TMEM132D: variants seen among roughly 807,000 people sequenced by gnomAD.
TMEM132D encodes the protein transmembrane protein 132D.
Under a neutral mutation model 62.3 loss-of-function variants are expected in TMEM132D, and 21 were observed. The ratio of observed to expected loss-of-function variants is 0.34; its 90% CI spans 0.24 to 0.49. The LOEUF (loss-of-function observed/expected upper bound fraction) is 0.49, where lower values mean the gene tolerates loss of function less well. Among genes scored for constraint, TMEM132D ranks in the 20% least tolerant of loss-of-function variants. TMEM132D has a pLI of 0.99. For missense variants in TMEM132D, 1,346 were observed against 1,402.8 expected (o/e 0.96, Z 0.65); for synonymous variants, 621 against 575.6 (o/e 1.08, Z -1.13).
At chr12:129,528,510 G>GTAGAAAT (rs1182090909) in intron 3 of TMEM132D, among the ~76,000 whole-genome samples, 1 of 151,232 alleles carries the variant, frequency 6.6e-6, no homozygotes, top group Non-Finnish European at 1.5e-5. Context: ...TTTTCTCCCA[G>GTAGAAAT]CTTCCCAGTT....
intron 3 of TMEM132D, among the ~76,000 whole-genome samples, chr12:129,401,387 T>A (rs994584450): frequency 1.3e-5 from 2 of 152,012 alleles, no homozygotes; most frequent in African/African-American, 4.8e-5. Context: ...GACAATATAG[T>A]GAGACTTCAT....
At chr12:129,406,964 T>C (rs1871809609) in intron 3 of TMEM132D, among the ~76,000 whole-genome samples, 1 of 152,190 alleles carries the variant, frequency 6.6e-6, no homozygotes, top group Non-Finnish European at 1.5e-5. Flanking sequence ...GACAGATTTA[T>C]TTTCCTTTGA....
At chr12:129,075,559 CACTGCAGG>C (rs1213825306) in intron 8 of TMEM132D, among the ~76,000 whole-genome samples, 1 of 151,254 alleles carries the variant, frequency 6.6e-6, no homozygotes, top group African/African-American at 2.4e-5. Flanking sequence ...GATGAGGTCC[CACTGCAGG>C]GCTGCAGGCT....
intron 1 of TMEM132D, among the ~76,000 whole-genome samples, chr12:129,843,193 T>C (rs1017525260): frequency 3.3e-5 from 5 of 152,122 alleles, no homozygotes; most frequent in African/African-American, 9.7e-5. Context: ...TGAAGGAGAA[T>C]CTCCAGTGTG....
rs538345739 is a variant in TMEM132D, at chr12:129,823,738, C to T, written c.79+79523G>A. ...TGAGAACAAATTTGCGGCTCTATCA[C>T]TTGCTAGCTATGTCACATTTAACTT... On this transcript the variant is annotated intron_variant, in intron 1 of 8. Transcript: ENST00000422113. Among the ~76,000 whole-genome samples, 3 of 152,324 alleles carry T rather than the reference C, an allele frequency of 2.0e-5. No individual in the cohort carries two copies. The East Asian group carries it at 5.8e-4, about 29-fold the overall frequency.
At chr12:129,166,644 C>T (rs563128505) in intron 5 of TMEM132D, among the ~76,000 whole-genome samples, 1 of 151,166 alleles carries the variant, frequency 6.6e-6, no homozygotes, top group Non-Finnish European at 1.5e-5. Context: ...ATTACATAAA[C>T]CGCCAGGCCA....
intron 2 of TMEM132D, among the ~76,000 whole-genome samples, chr12:129,630,471 T>C (rs1879323443): frequency 6.6e-6 from 1 of 152,310 alleles, no homozygotes; most frequent in Non-Finnish European, 1.5e-5. Flanking sequence ...GGTGGTTTTC[T>C]AGAACATTTC....
At chr12:129,179,328 GTTTT>G (rs1050288450) in intron 5 of TMEM132D, among the ~76,000 whole-genome samples, 4 of 128,524 alleles carry the variant, frequency 3.1e-5, no homozygotes, top group African/African-American at 1.4e-4. Flanking sequence ...CTTTTTTTTT[GTTTT>G]TTGTTTTTTG....
At chr12:129,137,322 T>C (rs1876613042) in intron 5 of TMEM132D, among the ~76,000 whole-genome samples, 1 of 152,184 alleles carries the variant, frequency 6.6e-6, no homozygotes, top group Non-Finnish European at 1.5e-5. Flanking sequence ...ATCATCATCA[T>C]CATGTGCTAT....
intron 3 of TMEM132D, among the ~76,000 whole-genome samples, chr12:129,464,846 C>T (rs1004218475): frequency 3.3e-5 from 5 of 151,854 alleles, no homozygotes; most frequent in African/African-American, 7.3e-5. Flanking sequence ...TGTTTTGGTA[C>T]CAGTACCATG....
At chr12:129,220,628 C>T (rs1879322446) in intron 4 of TMEM132D, among the ~76,000 whole-genome samples, 1 of 152,136 alleles carries the variant, frequency 6.6e-6, no homozygotes, top group Non-Finnish European at 1.5e-5. Context: ...TCTGCTAAGT[C>T]TATTCATTCT....
chr12:129,265,567 C>T (rs956227695), intron 4 of TMEM132D, among the ~76,000 whole-genome samples: 6 of 152,264 alleles, frequency 3.9e-5, no homozygotes, highest in East Asian at 1.9e-4. Context: ...CTCATGGCTG[C>T]GCACGGAGGG....
At chr12:129,463,856 T>C (rs1392743102) in intron 3 of TMEM132D, among the ~76,000 whole-genome samples, 5 of 151,700 alleles carry the variant, frequency 3.3e-5, no homozygotes, top group Non-Finnish European at 7.4e-5. Flanking sequence ...TGCCACATTT[T>C]CTTAATCCAG....
intron 2 of TMEM132D, among the ~76,000 whole-genome samples, chr12:129,681,203 C>T (rs771214366): frequency 6.6e-6 from 1 of 152,192 alleles, no homozygotes; most frequent in Non-Finnish European, 1.5e-5. Flanking sequence ...ATTAGTGACA[C>T]TTTTCATGAC....
At chr12:129,344,385 G>A (rs1337428642) in intron 3 of TMEM132D, among the ~76,000 whole-genome samples, 3 of 152,158 alleles carry the variant, frequency 2.0e-5, no homozygotes, top group Admixed American at 2.0e-4. Context: ...CCGCCCCAAA[G>A]GAAAATCATC....
chr12:129,218,374 G>C (rs1022691446), intron 4 of TMEM132D, among the ~76,000 whole-genome samples: 1 of 152,180 alleles, frequency 6.6e-6, no homozygotes, highest in Non-Finnish European at 1.5e-5. Context: ...CACAAACCTA[G>C]AAGGCAGAGC....
intron 3 of TMEM132D, among the ~76,000 whole-genome samples, chr12:129,402,544 C>G (rs1045584187): frequency 6.6e-6 from 1 of 152,102 alleles, no homozygotes; most frequent in Non-Finnish European, 1.5e-5. Context: ...ATGCCCTAAC[C>G]CTTTGGTACA....
At position 129,469,392 on chromosome 12, in the gene TMEM132D, C is replaced by G. The variant is rs917785592; in HGVS notation, c.1115+61667G>C. On this transcript the variant is annotated intron_variant, in intron 3 of 8. Coordinates refer to ENST00000422113, the MANE Select transcript of TMEM132D (RefSeq NM_133448.3). ...GTCACCTGGGAGCTTGTTAAAAATG[C>G]AAGTTCTCCATAACTACTGAATCAG... Among the ~76,000 whole-genome samples the G allele has an allele frequency of 2.6e-5, 4 of 152,318 alleles. No individual in the cohort carries two copies. In the South Asian group the frequency reaches 8.3e-4, roughly 32 times the overall value.
chr12:129,322,424 G>C (rs1868748696), intron 4 of TMEM132D, among the ~76,000 whole-genome samples: 1 of 152,162 alleles, frequency 6.6e-6, no homozygotes, highest in South Asian at 2.1e-4. Context: ...GTAGAGCATT[G>C]ATACAATGTT....
Sources: gnomAD v4.1 joint callset for allele counts (sites outside exome capture counted in the v4.1 genomes callset) on GRCh38, gnomAD v4.1.1 for gene constraint, MANE v1.5 for transcripts, NCBI Gene and HGNC (gene_info 2026-07-23, HGNC 2026-07-21) for gene names.